The following RXFP2 variants were observed in gnomAD, a reference collection of about 807,000 sequenced individuals.
RXFP2 encodes relaxin family peptide receptor 2, also known as relaxin receptor 2.
A neutral mutation model predicts 88.6 loss-of-function variants in RXFP2; 68 were observed. The observed-to-expected ratio is 0.77, with a 90% confidence interval of 0.63 to 0.94. The LOEUF is 0.94. Among genes scored for constraint, RXFP2 ranks in the 40% least tolerant of loss-of-function variants. The pLI, the probability that RXFP2 is intolerant of heterozygous loss-of-function variation, is 0.00. For missense variants in RXFP2, 791 were observed against 893.9 expected, an observed-to-expected ratio of 0.88 and a Z score of 1.47; for synonymous variants, 329 against 306.8, an observed-to-expected ratio of 1.07 and a Z score of -0.76.
At chr13:31,777,026 G>A (rs1420017266) in intron 7 of RXFP2, among the ~76,000 whole-genome samples, 1 of 152,138 alleles carries the variant, frequency 6.6e-6, no homozygotes, top group Non-Finnish European at 1.5e-5. Flanking sequence ...CAGCCAATTA[G>A]TAGGTTAAGG....
Position 31,747,399 on chromosome 13 carries a change from GA to G in RXFP2, c.94+7700del, listed in dbSNP as rs555464614. On this transcript the variant is annotated intron_variant, in intron 1 of 17. Transcript: ENST00000298386. ...ACTGAACCATTGGTGTAAGATAAATGAAAAAAAGAAAATGAGCATAATGCTT... is the reference window on the plus strand; with the variant it reads ...ACTGAACCATTGGTGTAAGATAAATGAAAAAAGAAAATGAGCATAATGCTT... 3.9e-5 allele frequency among the ~76,000 whole-genome samples: 6 copies of G among 152,120 alleles called. No homozygotes were observed. The South Asian group carries it at 6.2e-4, about 16-fold the overall frequency.
At chr13:31,767,022 T>C (rs1344537188) in intron 5 of RXFP2, among the ~76,000 whole-genome samples, 2 of 152,150 alleles carry the variant, frequency 1.3e-5, no homozygotes, top group Non-Finnish European at 2.9e-5. Flanking sequence ...CATCTTATTG[T>C]TTTATCCTTC....
At chr13:31,751,817 C>T (rs992084779) in intron 1 of RXFP2, among the ~76,000 whole-genome samples, 1 of 152,184 alleles carries the variant, frequency 6.6e-6, no homozygotes, top group South Asian at 2.1e-4. Flanking sequence ...CCTTCACCCA[C>T]CACACTGCCC....
At chr13:31,794,647 A>T (rs574430821) in intron 16 of RXFP2, among the ~76,000 whole-genome samples, 4 of 152,266 alleles carry the variant, frequency 2.6e-5, no homozygotes, top group Admixed American at 1.3e-4. Context: ...AGGCTTCCCA[A>T]AAGAAATGAA....
chr13:31,802,329 A>G lies in RXFP2; in HGVS notation c.2189A>G (p.Glu730Gly), dbSNP rs759228002. The G allele has an allele frequency of 6.2e-7, 1 of 1,613,282 alleles. No individual in the cohort carries two copies. The highest frequency in any genetic ancestry group is 8.5e-7 in the Non-Finnish European group (1 of 1,179,290). The change falls in exon 18 of 18, where the codon GAG becomes GGG. Residue 730 changes from glutamate (E) to glycine (G), a missense_variant. Physicochemically the swap from Glu to Gly is moderately conservative, Grantham distance 98 (BLOSUM62 -2). Coordinates refer to ENST00000298386, the MANE Select transcript of RXFP2 (RefSeq NM_130806.5). ...TTATCTACATCCATTGTGTGGATAG[A>G]GGACTCCTCTTCCCTGAAACTTGGG... ...KSLSTSIVWI[E>G]DSSSLKLGVL...
At chr13:31,768,473 C>A (rs926675194) in intron 5 of RXFP2, among the ~76,000 whole-genome samples, 1 of 152,044 alleles carries the variant, frequency 6.6e-6, no homozygotes, top group Non-Finnish European at 1.5e-5. Context: ...GGGCAGACAC[C>A]GTTACAGCAG....
At position 31,765,094 on chromosome 13, in the gene RXFP2, A is replaced by T; in HGVS notation, c.377A>T (p.Asn126Ile). 1.2e-6 allele frequency: 2 copies of T among 1,612,306 alleles called. No individual in the cohort carries two copies. Among genetic ancestry groups the T allele is most frequent in the Non-Finnish European group, 1.7e-6 (2 of 1,178,530 alleles). ...DCKETELECV[N>I]GDLKSVPMIS... ...AAAGAAACTGAATTGGAATGTGTAAATGGTGACTTAAAGTCTGTGCCGATG... is the reference window on the plus strand; with the variant it reads ...AAAGAAACTGAATTGGAATGTGTAATTGGTGACTTAAAGTCTGTGCCGATG... Residue 126 changes from asparagine to isoleucine, a missense_variant, in exon 4 of 18, where the codon AAT (asparagine) becomes ATT (isoleucine). Transcript: ENST00000298386.
chr13:31,755,898 C>T (rs1250650271), intron 1 of RXFP2, among the ~76,000 whole-genome samples: 1 of 152,200 alleles, frequency 6.6e-6, no homozygotes, highest in African/African-American at 2.4e-5. Flanking sequence ...AAAAGCCACG[C>T]TCTGAGTCTT....
In RXFP2 at chr13:31,802,646, G is replaced by A. The variant is rs572875066; in HGVS notation, c.*241G>A. 2.1e-3 allele frequency: 1,096 copies of A among 514,830 alleles called. 14 individuals are homozygous for A. Among genetic ancestry groups the A allele is most frequent in the South Asian group, 0.021 (1,058 of 50,706 alleles). 31.9% of individuals were successfully genotyped at this position (514,830 alleles called of 1,614,324 possible). A position where few individuals can be genotyped will look rare whatever the true frequency, so the allele number is the denominator to read the frequency against. On this transcript the variant is annotated 3_prime_UTR_variant, in exon 18 of 18. Coordinates refer to ENST00000298386, the MANE Select transcript of RXFP2 (RefSeq NM_130806.5). ...ATGCCTGAAAAGCACATGTGAATTC[G>A]TGTATAGTGGGCTGAGGTGCAGCTG... is the stretch of plus-strand genomic sequence containing the variant.
At chr13:31,752,806 G>T (rs968411437) in intron 1 of RXFP2, among the ~76,000 whole-genome samples, 1 of 152,200 alleles carries the variant, frequency 6.6e-6, no homozygotes, top group Non-Finnish European at 1.5e-5. Flanking sequence ...CCCCCTCAGA[G>T]ATGCCAGCCC....
At position 31,739,620 on chromosome 13, in the gene RXFP2, T is replaced by C; in HGVS notation, c.8T>C (p.Val3Ala). 1 of 1,592,980 alleles carries C rather than the reference T, an allele frequency of 6.3e-7. No individual in the cohort carries two copies. The highest frequency in any genetic ancestry group is 2.2e-5 in the East Asian group (1 of 44,708). ...CTCAATTGCTGTAAACCTATGATTG[T>C]TTTTCTGGTTTTTAAACATCTCTTC... MIVFLVFKHLFSL... is the reference protein window; with the variant it reads MIAFLVFKHLFSL... Residue 3 changes from valine to alanine, a missense_variant, in exon 1 of 18, where the codon GTT becomes GCT. Transcript: ENST00000298386.
intron 2 of RXFP2, among the ~76,000 whole-genome samples, chr13:31,759,659 A>C (rs561718248): frequency 4.6e-5 from 7 of 152,214 alleles, no homozygotes; most frequent in Non-Finnish European, 8.8e-5. Flanking sequence ...AACCTAAAAA[A>C]TATTTTTCTC....
chr13:31,790,004 G>A (rs1046638098), intron 14 of RXFP2, among the ~76,000 whole-genome samples: 11 of 152,116 alleles, frequency 7.2e-5, no homozygotes, highest in African/African-American at 2.7e-4. Flanking sequence ...CCTTGTTGTA[G>A]GCAGGATATG....
chr13:31,794,401 CACACACA>C (rs1566237266), intron 16 of RXFP2, among the ~76,000 whole-genome samples: 3 of 149,624 alleles, frequency 2.0e-5, no homozygotes, highest in Non-Finnish European at 4.5e-5. Context: ...CACACACACA[CACACACA>C]CCATGACATG....
chr13:31,783,329 T>C (rs1413566562), intron 11 of RXFP2, among the ~76,000 whole-genome samples: 1 of 152,230 alleles, frequency 6.6e-6, no homozygotes, highest in East Asian at 1.9e-4. Flanking sequence ...TCGCTATTAA[T>C]TCATTGCTCC....
intron 3 of RXFP2, among the ~76,000 whole-genome samples, chr13:31,764,243 T>TCTCACACACA (rs1262150474): frequency 1.9e-4 from 25 of 131,686 alleles, no homozygotes; most frequent in African/African-American, 7.1e-4. Context: ...TCTCTCTCTT[T>TCTCACACACA]CACACACACA....
intron 1 of RXFP2, among the ~76,000 whole-genome samples, chr13:31,753,751 GC>G (rs1871784849): frequency 6.6e-6 from 1 of 152,078 alleles, no homozygotes; most frequent in Admixed American, 6.6e-5. Flanking sequence ...CAGAATAACA[GC>G]CTAAATCTGC....
intron 1 of RXFP2, among the ~76,000 whole-genome samples, chr13:31,752,289 C>A (rs943703098): frequency 1.3e-5 from 2 of 152,194 alleles, no homozygotes; most frequent in Middle Eastern, 3.4e-3. Context: ...CCCCTCCCCC[C>A]CAAAAAATCT....
chr13:31,759,410 A>AAAGAAAGAAAGAAAGAAAGAAAG (rs1872169289), intron 2 of RXFP2, among the ~76,000 whole-genome samples: 20 of 150,346 alleles, frequency 1.3e-4, no homozygotes, highest in South Asian at 2.2e-4. Flanking sequence ...AGAAAGAAAG[A>AAAGAAAGAAAGAAAGAAAGAAAG]AAGAAAGAAA....
Sources: gnomAD v4.1 joint callset for allele counts (sites outside exome capture counted in the v4.1 genomes callset) on GRCh38, gnomAD v4.1.1 for gene constraint, MANE v1.5 for transcripts, NCBI Gene and HGNC (gene_info 2026-07-23, HGNC 2026-07-21) for gene names.